Variants in KIF13A observed in about 807,000 individuals in gnomAD.
KIF13A encodes the protein kinesin family member 13A.
A neutral mutation model predicts 212.2 loss-of-function variants in KIF13A; 79 were observed. That is an observed-to-expected ratio of 0.37 (90% confidence interval 0.31 to 0.45). KIF13A has a LOEUF of 0.45. KIF13A is among the 20% of genes least tolerant of loss of function. The pLI is 1.00. For synonymous variants in KIF13A, 789 were observed against 808.6 expected, an observed-to-expected ratio of 0.98 and a Z score of 0.41; for missense variants, 1,901 against 2,209.0, an observed-to-expected ratio of 0.86 and a Z score of 2.79.
At position 17,777,383 on chromosome 6, in the gene KIF13A, C is replaced by CGT; in HGVS notation, c.4093-30_4093-29insAC. On this transcript the variant is annotated intron_variant, in intron 33 of 38. Transcript: ENST00000259711. The surrounding 1 kb of genome is among the most constrained non-coding windows in gnomAD (Gnocchi z 4.4). ...TAAACATAATAATTTGAAAATAACA[C>CGT]TTTTTTTTTTTTTCCCCAGAGACAG... The CGT allele has an allele frequency of 7.6e-7, 1 of 1,319,620 alleles. No homozygotes were observed. Among genetic ancestry groups the CGT allele is most frequent in the Non-Finnish European group, 1.0e-6 (1 of 952,782 alleles). 81.7% of individuals were successfully genotyped at this position (1,319,620 alleles called of 1,614,324 possible).
chr6:17,964,291 G>GA (rs539290647), intron 2 of KIF13A, among the ~76,000 whole-genome samples: 66 of 152,188 alleles, frequency 4.3e-4, no homozygotes, highest in Non-Finnish European at 6.0e-4. Flanking sequence ...AAACACCCTT[G>GA]AAAAATATAA....
Position 17,914,184 on chromosome 6 carries a change from A to G in KIF13A, c.147-16004T>C, listed in dbSNP as rs74640042. Among the ~76,000 whole-genome samples, 876 of 152,332 alleles carry G rather than the reference A, an allele frequency of 5.8e-3. 5 individuals carry two copies. Among genetic ancestry groups the G allele is most frequent in the African/African-American group, 0.019 (806 of 41,582 alleles). On this transcript the variant is annotated intron_variant, in intron 2 of 38. Coordinates refer to ENST00000259711, the MANE Select transcript of KIF13A (RefSeq NM_022113.6). The surrounding 1 kb of genome is among the most constrained non-coding windows in gnomAD (Gnocchi z 5.9). ...TCAGGTTAGAAGGCAAATCTCAAGT[A>G]CCCATTACTAAATGCCAGAATAAGT...
At chr6:17,923,540 T>TC (rs1053942022) in intron 2 of KIF13A, among the ~76,000 whole-genome samples, 1 of 151,742 alleles carries the variant, frequency 6.6e-6, no homozygotes, top group African/African-American at 2.4e-5. Context: ...GTTTGGTTTT[T>TC]TTTTTTTGGT....
At chr6:17,945,637 C>G (rs1777323319) in intron 2 of KIF13A, among the ~76,000 whole-genome samples, 1 of 151,876 alleles carries the variant, frequency 6.6e-6, no homozygotes, top group Non-Finnish European at 1.5e-5. Context: ...ACAGATATAC[C>G]ATGTTTTCAA....
At position 17,786,955 on chromosome 6, in the gene KIF13A, A is replaced by G. The variant is rs1483410488; in HGVS notation, c.3361+821T>C. 6.6e-6 allele frequency among the ~76,000 whole-genome samples: 1 copy of G among 152,192 alleles called. No homozygotes were observed. Among genetic ancestry groups the G allele is most frequent in the Non-Finnish European group, 1.5e-5 (1 of 68,030 alleles). ...ATGACAGACTAAGGATTTTAAGTGCATATTTCTACTCTAGAATCCAAGTGG... is the reference window on the plus strand; with the variant it reads ...ATGACAGACTAAGGATTTTAAGTGCGTATTTCTACTCTAGAATCCAAGTGG... On this transcript the variant is annotated intron_variant, in intron 27 of 38. Transcript: ENST00000259711. The surrounding 1 kb of genome is among the most constrained non-coding windows in gnomAD (Gnocchi z 5.4).
chr6:17,821,796 G>C (rs1280408819), intron 16 of KIF13A: 1 of 1,535,216 alleles, frequency 6.5e-7, no homozygotes, highest in East Asian at 2.4e-5. Context: ...CTTTATCCCA[G>C]TGTTTGTGGA....
chr6:17,849,228 A>G lies in KIF13A; in HGVS notation c.830+149T>C. 1 of 584,280 alleles carries G rather than the reference A, an allele frequency of 1.7e-6. No individual in the cohort carries two copies. The highest frequency in any genetic ancestry group is 3.0e-6 in the Non-Finnish European group (1 of 331,518). 36.2% of individuals were successfully genotyped at this position (584,280 alleles called of 1,614,324 possible). On this transcript the variant is annotated intron_variant, in intron 9 of 38. Coordinates refer to ENST00000259711, the MANE Select transcript of KIF13A (RefSeq NM_022113.6). This position sits in a 1 kb window ranked among gnomAD's most constrained non-coding sequence, Gnocchi z 5.7. Reference sequence around the variant, plus strand: ...AAAAACCTCATACATCTTAACAGACACAGGTTGTTGTTGTTTTTCTTCAGC... The same window carrying G: ...AAAAACCTCATACATCTTAACAGACGCAGGTTGTTGTTGTTTTTCTTCAGC...
rs765894432 is a variant in KIF13A, at chr6:17,783,718, C to T, written c.3489-17G>A. Reference sequence around the variant, plus strand: ...GGTGGGATCCTAAATTTAATAACAACATTTAATCATAACAAAATATGTATT... The same window carrying T: ...GGTGGGATCCTAAATTTAATAACAATATTTAATCATAACAAAATATGTATT... On this transcript the variant is annotated splice_polypyrimidine_tract_variant and intron_variant, in intron 28 of 38. Coordinates refer to ENST00000259711, the MANE Select transcript of KIF13A (RefSeq NM_022113.6). The surrounding 1 kb of genome is among the most constrained non-coding windows in gnomAD (Gnocchi z 4.3). The T allele has an allele frequency of 6.7e-7, 1 of 1,486,998 alleles. No homozygotes were observed. The highest frequency in any genetic ancestry group is 9.2e-7 in the Non-Finnish European group (1 of 1,083,776). 92.1% of individuals were successfully genotyped at this position (1,486,998 alleles called of 1,614,324 possible). A position where few individuals can be genotyped will look rare whatever the true frequency, so the allele number is the denominator to read the frequency against.
chr6:17,897,781 A>G lies in KIF13A; in HGVS notation c.159+387T>C, dbSNP rs188838923. On this transcript the variant is annotated intron_variant, in intron 3 of 38. Coordinates refer to ENST00000259711, the MANE Select transcript of KIF13A (RefSeq NM_022113.6). This position sits in a 1 kb window ranked among gnomAD's most constrained non-coding sequence, Gnocchi z 4.8. ...CCAACTGCCATCCTATGATCTTACC[A>G]TAGTTGTTCCTCCACATTCTAGGCT... Among the ~76,000 whole-genome samples the G allele has an allele frequency of 1.9e-4, 29 of 152,310 alleles. No homozygotes were observed. Among genetic ancestry groups the G allele is most frequent in the African/African-American group, 6.5e-4 (27 of 41,566 alleles).
Position 17,771,006 on chromosome 6 carries a change from C to A in KIF13A, c.4581+108G>T, listed in dbSNP as rs1005714103. 5 of 722,938 alleles carry A rather than the reference C, an allele frequency of 6.9e-6. No individual in the cohort carries two copies. The Admixed American group carries it at 1.0e-4, about 15-fold the overall frequency. The allele number at this position is 722,938 out of a possible 1,614,324, so 44.8% of individuals were successfully genotyped here. On this transcript the variant is annotated intron_variant, in intron 38 of 38. Transcript: ENST00000259711. This position sits in a 1 kb window ranked among gnomAD's most constrained non-coding sequence, Gnocchi z 5.4. The stretch of plus-strand genomic sequence containing the variant: ...GGTCACATTTTTATTTTCTTTAAGA[C>A]AAAGACCCAATACATGTCTTAATTT...
intron 23 of KIF13A, among the ~76,000 whole-genome samples, chr6:17,795,894 T>C (rs1364329599): frequency 6.6e-6 from 1 of 152,238 alleles, no homozygotes; most frequent in Non-Finnish European, 1.5e-5. Flanking sequence ...TGTGTTCTTC[T>C]GTAGGCATTA....
At chr6:17,778,480 C>T (rs1419459750) in intron 33 of KIF13A, among the ~76,000 whole-genome samples, 1 of 151,972 alleles carries the variant, frequency 6.6e-6, no homozygotes, top group Non-Finnish European at 1.5e-5. Flanking sequence ...ACTTGAATGA[C>T]CTGTTGTCAC....
chr6:17,840,200 A>T (rs938103346), intron 9 of KIF13A, among the ~76,000 whole-genome samples: 6 of 152,182 alleles, frequency 3.9e-5, no homozygotes, highest in Non-Finnish European at 8.8e-5. Context: ...TGAATTGAAC[A>T]CTTTACAATG....
At chr6:17,842,087 C>T (rs779816702) in intron 9 of KIF13A, among the ~76,000 whole-genome samples, 22 of 151,630 alleles carry the variant, frequency 1.5e-4, no homozygotes, top group Non-Finnish European at 2.5e-4. Flanking sequence ...CTTGCTCTGT[C>T]GCCCAGGCTG....
intron 18 of KIF13A, among the ~76,000 whole-genome samples, chr6:17,806,697 T>C (rs1215187333): frequency 6.6e-6 from 1 of 152,150 alleles, no homozygotes; most frequent in African/African-American, 2.4e-5. Flanking sequence ...CTCACTAACA[T>C]GGTGAAACCC....
In KIF13A at chr6:17,901,529, T is replaced by C. The variant is rs550790486; in HGVS notation, c.147-3349A>G. 5.3e-5 allele frequency among the ~76,000 whole-genome samples: 8 copies of C among 152,296 alleles called. No homozygotes were observed. The South Asian group carries it at 1.0e-3, about 20-fold the overall frequency. On this transcript the variant is annotated intron_variant, in intron 2 of 38. Transcript: ENST00000259711. ...CCAGCAGCCAACTGAGCATTAGTTA[T>C]ATAATCAAGAATTTTCCACTGGGAC...
In KIF13A at chr6:17,796,662, T is replaced by C. The variant is rs1762062553; in HGVS notation, c.2942+7A>G. Reference sequence around the variant, plus strand: ...CTTGTACCTAAAGCTCACAGCCAAGTACAAACCTGTCATGCAGTGTTCTTG... The same window carrying C: ...CTTGTACCTAAAGCTCACAGCCAAGCACAAACCTGTCATGCAGTGTTCTTG... On this transcript the variant is annotated splice_region_variant and intron_variant, in intron 23 of 38. Transcript: ENST00000259711. 1 of 1,497,120 alleles carries C rather than the reference T, an allele frequency of 6.7e-7. No homozygotes were observed. The highest frequency in any genetic ancestry group is 9.0e-7 in the Non-Finnish European group (1 of 1,115,010). 92.7% of individuals were successfully genotyped at this position (1,497,120 alleles called of 1,614,324 possible).
intron 4 of KIF13A, among the ~76,000 whole-genome samples, chr6:17,864,463 C>G (rs1034452171): frequency 2.6e-5 from 4 of 152,108 alleles, no homozygotes; most frequent in African/African-American, 9.7e-5. Flanking sequence ...CCTGAGTCAC[C>G]CAACCCTGAG....
intron 4 of KIF13A, among the ~76,000 whole-genome samples, chr6:17,868,908 C>T (rs1769680521): frequency 1.5e-5 from 2 of 133,280 alleles, no homozygotes; most frequent in African/African-American, 2.8e-5. Context: ...GCAGGAGAAT[C>T]GCTTGAACCC....
Sources: allele counts gnomAD v4.1 joint callset (sites outside exome capture counted in the v4.1 genomes callset), GRCh38; gene constraint gnomAD v4.1.1; non-coding constraint Gnocchi (gnomAD v3.1); transcripts MANE v1.5; gene names NCBI Gene and HGNC (gene_info 2026-07-23, HGNC 2026-07-21).